Variants in LRRC3B observed in about 807,000 individuals in gnomAD.
The protein encoded by LRRC3B is leucine-rich repeat-containing protein 3B.
A neutral mutation model predicts 12.8 loss-of-function variants in LRRC3B; 2 were observed. The observed-to-expected ratio is 0.16, with a 90% CI of 0.06 to 0.49. LRRC3B has a LOEUF of 0.49. LRRC3B is among the 20% of genes least tolerant of loss of function. The probability of loss-of-function intolerance (pLI) is 0.96; values close to 1 mark genes in which losing one functional copy is unlikely to be tolerated. For synonymous variants in LRRC3B, 132 were observed against 122.0 expected, an observed-to-expected ratio of 1.08 and a Z score of -0.54; for missense variants, 189 against 319.4, an observed-to-expected ratio of 0.59 and a Z score of 3.11.
chr3:26,652,828 G>A (rs1328623786), intron 1 of LRRC3B, among the ~76,000 whole-genome samples: 1 of 151,872 alleles, frequency 6.6e-6, no homozygotes, highest in Non-Finnish European at 1.5e-5. Flanking sequence ...AGTAAACAAA[G>A]CATCTCCCCA....
At chr3:26,655,869 TCTTCATGAC>T (rs1315517030) in intron 1 of LRRC3B, among the ~76,000 whole-genome samples, 1 of 152,140 alleles carries the variant, frequency 6.6e-6, no homozygotes, top group Non-Finnish European at 1.5e-5. Context: ...GGTTTAAAAT[TCTTCATGAC>T]CTTATTGCTA....
At chr3:26,658,646 C>A (rs1699427742) in intron 1 of LRRC3B, among the ~76,000 whole-genome samples, 1 of 152,174 alleles carries the variant, frequency 6.6e-6, no homozygotes, top group Admixed American at 6.5e-5. Flanking sequence ...CTCTCTTTGA[C>A]AAAGAGTAAT....
intron 1 of LRRC3B, among the ~76,000 whole-genome samples, chr3:26,654,519 T>C (rs1222932734): frequency 6.6e-6 from 1 of 152,218 alleles, no homozygotes; most frequent in Non-Finnish European, 1.5e-5. Context: ...ATTACCTGTA[T>C]GCTCTGGGAG....
intron 1 of LRRC3B, among the ~76,000 whole-genome samples, chr3:26,703,947 T>C (rs1392265973): frequency 6.6e-6 from 1 of 152,038 alleles, no homozygotes; most frequent in Non-Finnish European, 1.5e-5. Flanking sequence ...ATCTTTTAAA[T>C]ATTTATTGTA....
intron 1 of LRRC3B, among the ~76,000 whole-genome samples, chr3:26,675,162 A>T (rs189917069): frequency 6.6e-5 from 10 of 152,322 alleles, no homozygotes; most frequent in African/African-American, 2.2e-4. Context: ...AGATACCTAT[A>T]TAAGCAGGTA....
intron 1 of LRRC3B, among the ~76,000 whole-genome samples, chr3:26,685,631 A>C (rs1248032682): frequency 2.3e-5 from 2 of 88,754 alleles, no homozygotes; most frequent in South Asian, 4.5e-4. Flanking sequence ...ATATATATAT[A>C]TATCTATATA....
intron 1 of LRRC3B, among the ~76,000 whole-genome samples, chr3:26,670,651 A>T (rs1416862179): frequency 6.6e-6 from 1 of 152,212 alleles, no homozygotes; most frequent in Non-Finnish European, 1.5e-5. Flanking sequence ...TTGTGGAAAG[A>T]AGTAGTGAGT....
At chr3:26,625,250 C>G (rs1698599088) in intron 1 of LRRC3B, 1 of 152,298 alleles carries the variant, frequency 6.6e-6, no homozygotes, top group Non-Finnish European at 1.5e-5. Flanking sequence ...TTTCTGGGTC[C>G]CTCGCCTTGG....
chr3:26,667,056 T>C (rs577238314), intron 1 of LRRC3B, among the ~76,000 whole-genome samples: 4 of 148,432 alleles, frequency 2.7e-5, no homozygotes, highest in Admixed American at 6.7e-5. Context: ...GCTCCTTGAA[T>C]TCTAGTAAAA....
intron 1 of LRRC3B, among the ~76,000 whole-genome samples, chr3:26,706,252 T>A (rs1365106786): frequency 6.6e-6 from 1 of 152,070 alleles, no homozygotes; most frequent in African/African-American, 2.4e-5. Flanking sequence ...CCAAATATCC[T>A]CACACTGGGG....
chr3:26,636,236 T>TA (rs66936017), intron 1 of LRRC3B, among the ~76,000 whole-genome samples: 10,711 of 152,010 alleles, frequency 0.07, 531 homozygotes, highest in Non-Finnish European at 0.11. Flanking sequence ...AGAAGTCCTT[T>TA]AAAAAAAAGA....
intron 1 of LRRC3B, among the ~76,000 whole-genome samples, chr3:26,702,396 C>A (rs1193911841): frequency 1.3e-5 from 2 of 152,152 alleles, no homozygotes; most frequent in African/African-American, 4.8e-5. Flanking sequence ...TAATGAGCCA[C>A]CTAAATGGCT....
At chr3:26,630,865 A>G (rs779239296) in intron 1 of LRRC3B, among the ~76,000 whole-genome samples, 2 of 152,176 alleles carry the variant, frequency 1.3e-5, no homozygotes, top group Non-Finnish European at 2.9e-5. Context: ...TGGAGAATGA[A>G]AGGGCTCTCA....
chr3:26,667,605 C>T (rs1214137068), intron 1 of LRRC3B, among the ~76,000 whole-genome samples: 6 of 152,186 alleles, frequency 3.9e-5, no homozygotes, highest in Non-Finnish European at 7.3e-5. Context: ...TCATCACATC[C>T]ACATTCCATG....
chr3:26,640,426 TAA>T (rs10707193), intron 1 of LRRC3B, among the ~76,000 whole-genome samples: 8,474 of 140,082 alleles, frequency 0.06, 550 homozygotes, highest in East Asian at 0.17. Context: ...CCTTATAAAC[TAA>T]AAAAAAAAAA....
chr3:26,698,740 T>C (rs978359358), intron 1 of LRRC3B, among the ~76,000 whole-genome samples: 2 of 152,148 alleles, frequency 1.3e-5, no homozygotes, highest in Admixed American at 1.3e-4. Flanking sequence ...TCGTTTTTGC[T>C]GAATAATTTG....
chr3:26,671,350 G>GTATA lies in LRRC3B; in HGVS notation c.-160-38142_-160-38139dup, dbSNP rs1161960755. 6.9e-3 allele frequency among the ~76,000 whole-genome samples: 388 copies of GTATA among 56,626 alleles called. 10 individuals are homozygous for GTATA. The highest frequency in any genetic ancestry group is 9.3e-3 in the Admixed American group (35 of 3,750). The allele number at this position is 56,626 out of a possible 152,430, so 37.1% of individuals were successfully genotyped here. On this transcript the variant is annotated intron_variant, in intron 1 of 1. Coordinates refer to ENST00000396641, the Ensembl canonical transcript of LRRC3B. Reference sequence around the variant, plus strand: ...TATAAATGTGTGTGTATATATGTGTGTATATATATATATATATATATATAG... The same window carrying GTATA: ...TATAAATGTGTGTGTATATATGTGTGTATATATATATATATATATATATATATAG...
At chr3:26,647,815 A>G (rs1699184759) in intron 1 of LRRC3B, among the ~76,000 whole-genome samples, 1 of 152,234 alleles carries the variant, frequency 6.6e-6, no homozygotes. Context: ...TGGAGTACAC[A>G]GAGCATGCCA....
rs374816956 is a variant in LRRC3B, at chr3:26,655,299, C to A, written c.-161+32062C>A. 4.6e-5 allele frequency among the ~76,000 whole-genome samples: 7 copies of A among 152,090 alleles called. No individual in the cohort carries two copies. In the South Asian group the frequency reaches 1.5e-3, roughly 32 times the overall value. ...TATAGTCATAGAGCAAACATTATGA[C>A]CCTATCATTAAAGCCAATGATGAAC... is the stretch of plus-strand genomic sequence containing the variant. On this transcript the variant is annotated intron_variant, in intron 1 of 1. Coordinates refer to ENST00000396641, the Ensembl canonical transcript of LRRC3B.
Sources: allele counts gnomAD v4.1 joint callset (sites outside exome capture counted in the v4.1 genomes callset), GRCh38; gene constraint gnomAD v4.1.1; transcripts MANE v1.5; gene names NCBI Gene and HGNC (gene_info 2026-07-23, HGNC 2026-07-21).